Variants in CEP128 observed in about 807,000 individuals in gnomAD.
CEP128 encodes centrosomal protein 128.
CEP128 carries 132 observed loss-of-function variants against 156.7 expected under a neutral mutation model. That is an observed-to-expected ratio of 0.84 (90% CI 0.73 to 0.97). The LOEUF (loss-of-function observed/expected upper bound fraction) is 0.97, where lower values mean the gene tolerates loss of function less well. Among genes scored for constraint, CEP128 ranks in the 50% least tolerant of loss-of-function variants. The pLI, the probability that CEP128 is intolerant of heterozygous loss-of-function variation, is 0.00. For synonymous variants in CEP128, 469 were observed against 448.9 expected (o/e 1.04, Z -0.57); for missense variants, 1,252 against 1,281.9 (o/e 0.98, Z 0.36).
In CEP128 at chr14:80,912,935, T is replaced by A. The variant is rs370373607; in HGVS notation, c.234+1387A>T. Among the ~76,000 whole-genome samples, 36 of 152,258 alleles carry A rather than the reference T, an allele frequency of 2.4e-4. No homozygotes were observed. The East Asian group carries it at 6.6e-3, about 28-fold the overall frequency. On this transcript the variant is annotated intron_variant, in intron 4 of 24. Coordinates refer to ENST00000555265, the MANE Select transcript of CEP128 (RefSeq NM_152446.5). ...CATCACACTGTATATATACCCCTCA[T>A]TAGAAACATGAAGGAATAAGTTTAA...
At chr14:80,908,307 A>T (rs1324643111) in intron 4 of CEP128, among the ~76,000 whole-genome samples, 1 of 152,134 alleles carries the variant, frequency 6.6e-6, no homozygotes, top group African/African-American at 2.4e-5. Context: ...CTGGAAATGC[A>T]ACTGCATTTT....
chr14:80,747,342 T>C lies in CEP128; in HGVS notation c.2614-4075A>G, dbSNP rs114674651. Among the ~76,000 whole-genome samples the C allele has an allele frequency of 5.3e-3, 811 of 152,260 alleles. 9 individuals are homozygous for C. The highest frequency in any genetic ancestry group is 0.018 in the African/African-American group (754 of 41,560). ...AAAACTGAAACAATCCAAATTTCCG[T>C]CAAATGATGAACAGATTTAAAAAGT... On this transcript the variant is annotated intron_variant, in intron 18 of 24. Coordinates refer to ENST00000555265, the MANE Select transcript of CEP128 (RefSeq NM_152446.5).
At chr14:80,663,387 G>A (rs1394245644) in intron 19 of CEP128, among the ~76,000 whole-genome samples, 1 of 152,092 alleles carries the variant, frequency 6.6e-6, no homozygotes, top group Non-Finnish European at 1.5e-5. Context: ...GGGAGAAGTA[G>A]CAAAAGTTTT....
At chr14:80,828,128 T>C (rs1443272444) in intron 13 of CEP128, among the ~76,000 whole-genome samples, 3 of 147,896 alleles carry the variant, frequency 2.0e-5, no homozygotes, top group Non-Finnish European at 4.5e-5. Flanking sequence ...TTTTTCTTTT[T>C]TTTTTTTTTT....
intron 8 of CEP128, among the ~76,000 whole-genome samples, chr14:80,895,121 A>AT (rs1428174540): frequency 4.6e-5 from 7 of 152,048 alleles, no homozygotes; most frequent in African/African-American, 1.4e-4. Flanking sequence ...TATAGACTGT[A>AT]TTTTTTTACC....
intron 2 of CEP128, among the ~76,000 whole-genome samples, chr14:80,920,340 G>C (rs1157650760): frequency 6.6e-6 from 1 of 152,186 alleles, no homozygotes; most frequent in African/African-American, 2.4e-5. Flanking sequence ...GGCCGCTGAA[G>C]TTGGCAAGAG....
chr14:80,577,371 T>C (rs1311384102), intron 20 of CEP128, among the ~76,000 whole-genome samples: 1 of 152,192 alleles, frequency 6.6e-6, no homozygotes, highest in Non-Finnish European at 1.5e-5. Flanking sequence ...CATTACCACC[T>C]GGACATTTCA....
chr14:80,899,983 A>T lies in CEP128; in HGVS notation c.527T>A (p.Ile176Asn), dbSNP rs1883443319. The T allele has an allele frequency of 6.2e-7, 1 of 1,613,836 alleles. No individual in the cohort carries two copies. The highest frequency in any genetic ancestry group is 1.3e-5 in the African/African-American group (1 of 75,036). The change falls in exon 7 of 25, where the codon ATT becomes AAT. Residue 176 changes from isoleucine (I) to asparagine (N), a missense_variant. Ile to Asn is a moderately radical substitution (Grantham distance 149, BLOSUM62 -3). Coordinates refer to ENST00000555265, the MANE Select transcript of CEP128 (RefSeq NM_152446.5). ...QSLRDLSSEQIRLGDDFNREL... is the reference protein window; with the variant it reads ...QSLRDLSSEQNRLGDDFNREL... ...CCTGTTGAAATCATCTCCAAGGCGA[A>T]TTTGTTCACTGCTGAGGTCTCGAAG...
intron 19 of CEP128, among the ~76,000 whole-genome samples, chr14:80,731,139 GGAA>G (rs1898253069): frequency 6.6e-6 from 1 of 152,116 alleles, no homozygotes. Flanking sequence ...AAAAGTTCAG[GGAA>G]GAGGTCCCAA....
chr14:80,904,771 T>A (rs1487356569), intron 6 of CEP128, 42 bp downstream of exon 6: 1 of 1,060,176 alleles, frequency 9.4e-7, no homozygotes, highest in Non-Finnish European at 1.5e-6. Context: ...AATAGAAGCA[T>A]AAGGAAATAC....
intron 23 of CEP128, among the ~76,000 whole-genome samples, chr14:80,525,996 C>CT (rs5809996): frequency 0.71 from 107,027 of 151,598 alleles, 41,774 homozygotes; most frequent in East Asian, 0.86. Flanking sequence ...AAACCTTTAG[C>CT]TTTTTTTTAA....
upstream of CEP128, among the ~76,000 whole-genome samples, chr14:80,946,325 A>ATGATGATGCCTCATGATGCC (rs1886342823): frequency 1.5e-5 from 1 of 67,478 alleles, no homozygotes; most frequent in African/African-American, 5.8e-5. Flanking sequence ...CTCATGATGC[A>ATGATGATGCCTCATGATGCC]TCATGATGAT....
intron 19 of CEP128, among the ~76,000 whole-genome samples, chr14:80,701,333 C>G (rs1897068184): frequency 6.6e-6 from 1 of 152,188 alleles, no homozygotes; most frequent in Non-Finnish European, 1.5e-5. Flanking sequence ...TGAGGAATCA[C>G]ACTGGACACA....
chr14:80,624,857 T>A (rs1328844416), intron 19 of CEP128, among the ~76,000 whole-genome samples: 1 of 152,216 alleles, frequency 6.6e-6, no homozygotes, highest in African/African-American at 2.4e-5. Flanking sequence ...TTTTCTGCCA[T>A]TCCACAGATT....
At chr14:80,938,097 T>G (rs910434302) in intron 2 of CEP128, among the ~76,000 whole-genome samples, 2 of 151,794 alleles carry the variant, frequency 1.3e-5, no homozygotes, top group African/African-American at 4.8e-5. Flanking sequence ...GGGGTCTTGC[T>G]ATGTTGCCCA....
chr14:80,575,396 CT>C (rs985333461), intron 20 of CEP128, among the ~76,000 whole-genome samples: 4 of 151,976 alleles, frequency 2.6e-5, no homozygotes, highest in South Asian at 2.1e-4. Flanking sequence ...CACATCATGA[CT>C]TTTTTTTCGA....
rs372922569 is a variant in CEP128 at position 80,778,057 on chromosome 14, G to A, written c.2212-11C>T. The A allele has an allele frequency of 1.9e-6, 3 of 1,607,234 alleles. No homozygotes were observed. The highest frequency in any genetic ancestry group is 1.7e-5 in the Admixed American group (1 of 58,838). On this transcript the variant is annotated splice_polypyrimidine_tract_variant and intron_variant, in intron 15 of 24. Coordinates refer to ENST00000555265, the MANE Select transcript of CEP128 (RefSeq NM_152446.5). Reference sequence around the variant, plus strand: ...TTCTAAACTTTCAGCCTGAGAAAAAGAGAAGGAAAAAACAGAAAGTCCACT... The same window carrying A: ...TTCTAAACTTTCAGCCTGAGAAAAAAAGAAGGAAAAAACAGAAAGTCCACT...
intron 19 of CEP128, among the ~76,000 whole-genome samples, chr14:80,725,421 G>A (rs1189755205): frequency 6.6e-6 from 1 of 152,020 alleles, no homozygotes; most frequent in Non-Finnish European, 1.5e-5. Flanking sequence ...GACCTCAAGT[G>A]ATCTGCCCGC....
rs1382606291 is a variant in CEP128, at chr14:80,831,032, G to A, written c.1209+111C>T. 5.6e-6 allele frequency: 5 copies of A among 899,230 alleles called. No homozygotes were observed. The African/African-American group carries it at 8.4e-5, about 15-fold the overall frequency. 55.7% of individuals were successfully genotyped at this position (899,230 alleles called of 1,614,324 possible). ...ATTAATATAACTTTATATTATCAAT[G>A]CTCACACTGGAGTTCATAAAATAAC... On this transcript the variant is annotated intron_variant, in intron 13 of 24. Transcript: ENST00000555265.
Sources: allele counts gnomAD v4.1 joint callset (sites outside exome capture counted in the v4.1 genomes callset), GRCh38; gene constraint gnomAD v4.1.1; transcripts MANE v1.5; gene names NCBI Gene and HGNC (gene_info 2026-07-23, HGNC 2026-07-21).